The following TSGA10 variants were observed in gnomAD, a reference collection of about 807,000 sequenced individuals.
TSGA10 encodes the protein testis-specific gene 10 protein.
Under a neutral mutation model 96.6 loss-of-function variants are expected in TSGA10, and 43 were observed. The observed-to-expected ratio is 0.44, with a 90% CI of 0.35 to 0.57. The LOEUF is 0.57. Ranked by LOEUF, TSGA10 falls within the 20% of genes least tolerant of loss-of-function variation. The probability of loss-of-function intolerance (pLI) is 0.01; values close to 1 mark genes in which losing one functional copy is unlikely to be tolerated. For missense variants in TSGA10, 703 were observed against 834.4 expected, an observed-to-expected ratio of 0.84 and a Z score of 1.94; for synonymous variants, 229 against 269.9, an observed-to-expected ratio of 0.85 and a Z score of 1.48.
intron 17 of TSGA10, among the ~76,000 whole-genome samples, chr2:99,031,341 G>T (rs72957127): frequency 7.3e-6 from 1 of 136,174 alleles, no homozygotes; most frequent in East Asian, 2.2e-4. Context: ...CACACTTTAC[G>T]CAGAATTAAC....
intron 10 of TSGA10, among the ~76,000 whole-genome samples, chr2:99,093,484 C>T (rs1262117983): frequency 1.3e-5 from 2 of 152,094 alleles, no homozygotes; most frequent in Admixed American, 6.5e-5. Context: ...ATGATATGAT[C>T]GTAGACCTAG....
intron 20 of TSGA10, among the ~76,000 whole-genome samples, chr2:99,001,821 GA>G (rs1289265951): frequency 1.3e-5 from 2 of 152,090 alleles, no homozygotes; most frequent in Non-Finnish European, 2.9e-5. Flanking sequence ...ACCATGGCGC[GA>G]AAACTACATG....
intron 10 of TSGA10, among the ~76,000 whole-genome samples, chr2:99,088,848 T>C (rs146015760): frequency 1.3e-5 from 2 of 152,304 alleles, no homozygotes; most frequent in African/African-American, 4.8e-5. Flanking sequence ...GACTACTACT[T>C]CACAATTTTA....
intron 4 of TSGA10, among the ~76,000 whole-genome samples, chr2:99,111,468 AG>A: frequency 6.6e-6 from 1 of 152,138 alleles, no homozygotes; most frequent in Non-Finnish European, 1.5e-5. Context: ...AAAGCAGTAA[AG>A]TTCTTTGCTA....
chr2:99,081,358 A>C lies in TSGA10; in HGVS notation c.651T>G (p.Thr217=). The part of the protein sequence containing the change: ...YENTEKDLSD[T]QRHLAKKKYE... Reference sequence around the variant, plus strand: ...ATTTTTTCTTAGCAAGGTGTCGCTGAGTATCAGAAAGATCTTTTTCTGTGT... The same window carrying C: ...ATTTTTTCTTAGCAAGGTGTCGCTGCGTATCAGAAAGATCTTTTTCTGTGT... Residue 217 remains threonine (T), a synonymous_variant, in exon 11 of 21, where the codon ACT becomes ACG. Transcript: ENST00000393483. 6.3e-7 allele frequency: 1 copy of C among 1,586,778 alleles called. No individual in the cohort carries two copies. Among genetic ancestry groups the C allele is most frequent in the Non-Finnish European group, 8.6e-7 (1 of 1,166,964 alleles).
intron 1 of TSGA10, among the ~76,000 whole-genome samples, chr2:99,131,379 T>G (rs1408422498): frequency 6.6e-6 from 1 of 152,186 alleles, no homozygotes; most frequent in East Asian, 1.9e-4. Flanking sequence ...TTATTATTTT[T>G]GTAGCAATTG....
Position 99,115,295 on chromosome 2 carries a change from T to C in TSGA10, c.-140+2249A>G, listed in dbSNP as rs571295908. Among the ~76,000 whole-genome samples the C allele has an allele frequency of 2.0e-5, 3 of 152,188 alleles. No individual in the cohort carries two copies. The South Asian group carries it at 6.2e-4, about 32-fold the overall frequency. On this transcript the variant is annotated intron_variant, in intron 4 of 20. Coordinates refer to ENST00000393483, the MANE Select transcript of TSGA10 (RefSeq NM_025244.4). Reference sequence around the variant, plus strand: ...TCAATTTACCATTAAACTGTGAATGTTACTTTAAAAAAAGTAACAATACAT... The same window carrying C: ...TCAATTTACCATTAAACTGTGAATGCTACTTTAAAAAAAGTAACAATACAT...
At chr2:99,010,286 C>T (rs2078895197) in intron 20 of TSGA10, among the ~76,000 whole-genome samples, 1 of 152,146 alleles carries the variant, frequency 6.6e-6, no homozygotes, top group South Asian at 2.1e-4. Flanking sequence ...GTGTTAGAGA[C>T]TCATATTGTG....
At chr2:99,048,374 T>C (rs1284483642) in intron 16 of TSGA10, among the ~76,000 whole-genome samples, 1 of 150,740 alleles carries the variant, frequency 6.6e-6, no homozygotes, top group South Asian at 2.1e-4. Flanking sequence ...CCAAAACATA[T>C]ATATATACAC....
intron 4 of TSGA10, among the ~76,000 whole-genome samples, chr2:99,115,304 A>C (rs530716538): frequency 2.0e-5 from 3 of 152,314 alleles, no homozygotes; most frequent in Non-Finnish European, 4.4e-5. Context: ...GTTACTTTAA[A>C]AAAAGTAACA....
Position 99,143,108 on chromosome 2 carries a change from G to C in TSGA10, c.-621+11585C>G, listed in dbSNP as rs1467490523. ...TCTGTGGAAACCCAAGGGGTAGTGA[G>C]TGTCCCACCCTGCCCCAACTAAACC... On this transcript the variant is annotated intron_variant, in intron 1 of 20. Coordinates refer to ENST00000393483, the MANE Select transcript of TSGA10 (RefSeq NM_025244.4). Among the ~76,000 whole-genome samples, 5 of 147,606 alleles carry C rather than the reference G, an allele frequency of 3.4e-5. No homozygotes were observed. In the South Asian group the frequency reaches 1.1e-3, roughly 32 times the overall value.
At chr2:99,134,246 T>A (rs1330363268) in intron 1 of TSGA10, among the ~76,000 whole-genome samples, 1 of 152,200 alleles carries the variant, frequency 6.6e-6, no homozygotes, top group African/African-American at 2.4e-5. Flanking sequence ...TCTTTTCACA[T>A]AGTCCCATAT....
At chr2:99,007,213 G>A (rs2309498) in intron 20 of TSGA10, among the ~76,000 whole-genome samples, 53,289 of 151,940 alleles carry the variant, frequency 0.35, 10,679 homozygotes, top group African/African-American at 0.55. Context: ...AATGGGTGCA[G>A]CACAGCAACA....
intron 16 of TSGA10, among the ~76,000 whole-genome samples, chr2:99,053,687 C>T (rs1558861146): frequency 2.0e-5 from 3 of 151,788 alleles, no homozygotes; most frequent in African/African-American, 4.8e-5. Flanking sequence ...AAAGCTCCAA[C>T]AAAAAATGGT....
At chr2:99,035,755 C>T (rs1437095568) in intron 16 of TSGA10, among the ~76,000 whole-genome samples, 1 of 151,760 alleles carries the variant, frequency 6.6e-6, no homozygotes, top group Non-Finnish European at 1.5e-5. Flanking sequence ...ATTTGACCAA[C>T]AGTTTTACCT....
chr2:99,095,101 C>A (rs532134428), intron 10 of TSGA10, among the ~76,000 whole-genome samples: 1 of 152,078 alleles, frequency 6.6e-6, no homozygotes, highest in African/African-American at 2.4e-5. Flanking sequence ...TTCGCAGCAA[C>A]CTGGATGGAA....
chr2:99,076,314 TTAAC>T (rs887152036), intron 12 of TSGA10, among the ~76,000 whole-genome samples: 2 of 152,196 alleles, frequency 1.3e-5, no homozygotes, highest in African/African-American at 4.8e-5. Context: ...CACTGTTTTC[TTAAC>T]TAGTGTCCCT....
chr2:99,051,569 C>T (rs577969751), intron 16 of TSGA10, among the ~76,000 whole-genome samples: 1 of 152,106 alleles, frequency 6.6e-6, no homozygotes, highest in South Asian at 2.1e-4. Context: ...ATAATGTTAC[C>T]ACAATAAGGC....
chr2:99,106,211 C>T (rs1448493198), intron 7 of TSGA10, among the ~76,000 whole-genome samples: 3 of 152,184 alleles, frequency 2.0e-5, no homozygotes, highest in South Asian at 2.1e-4. Context: ...CTATTCCAAA[C>T]CTGCAGATTA....
Sources: allele counts gnomAD v4.1 joint callset (sites outside exome capture counted in the v4.1 genomes callset), GRCh38; gene constraint gnomAD v4.1.1; transcripts MANE v1.5; gene names NCBI Gene and HGNC (gene_info 2026-07-23, HGNC 2026-07-21).